The following ANO3 variants were observed in gnomAD, a reference collection of about 807,000 sequenced individuals.
ANO3 encodes anoctamin 3.
Under a neutral mutation model 144.8 loss-of-function variants are expected in ANO3, and 99 were observed. The ratio of observed to expected loss-of-function variants is 0.68; its 90% confidence interval spans 0.58 to 0.81. ANO3 has a LOEUF of 0.81. ANO3 is among the 30% of genes least tolerant of loss of function. The probability of loss-of-function intolerance (pLI) is 0.00; values close to 1 mark genes in which losing one functional copy is unlikely to be tolerated. For missense variants in ANO3, 905 were observed against 1,202.2 expected (o/e 0.75, Z 3.66); for synonymous variants, 414 against 392.6 (o/e 1.05, Z -0.64).
rs549879782 is a variant in ANO3 at position 26,372,549 on chromosome 11, C to T, written c.46+40228C>T. Among the ~76,000 whole-genome samples, 6 of 152,202 alleles carry T rather than the reference C, an allele frequency of 3.9e-5. No individual in the cohort carries two copies. In the East Asian group the frequency reaches 7.7e-4, roughly 20 times the overall value. ...GATAAATTTTCCTATTAATTCATGCCTGAATAATTAAGTAACAGTGCTTTT... is the reference window on the plus strand; with the variant it reads ...GATAAATTTTCCTATTAATTCATGCTTGAATAATTAAGTAACAGTGCTTTT... On this transcript the variant is annotated intron_variant, in intron 1 of 26. Transcript: ENST00000256737.
At chr11:26,625,056 T>C (rs1018878742) in intron 18 of ANO3, among the ~76,000 whole-genome samples, 17 of 151,882 alleles carry the variant, frequency 1.1e-4, no homozygotes, top group African/African-American at 3.9e-4. Context: ...TCCCGAGTAG[T>C]TGGGGACTAC....
intron 4 of ANO3, among the ~76,000 whole-genome samples, chr11:26,482,012 C>A (rs1372517412): frequency 1.3e-5 from 2 of 152,006 alleles, no homozygotes; most frequent in African/African-American, 4.8e-5. Flanking sequence ...CTCACCTCAG[C>A]TTCCCAAGTA....
At chr11:26,551,909 A>G (rs1849943188) in intron 12 of ANO3, among the ~76,000 whole-genome samples, 1 of 152,048 alleles carries the variant, frequency 6.6e-6, no homozygotes, top group Non-Finnish European at 1.5e-5. Flanking sequence ...GCTATAGTAT[A>G]TGTAAGACCC....
chr11:26,361,525 C>T (rs1469548288), intron 1 of ANO3, among the ~76,000 whole-genome samples: 1 of 152,072 alleles, frequency 6.6e-6, no homozygotes, highest in African/African-American at 2.4e-5. Context: ...TTATGAGTCT[C>T]AGGCAAAAAG....
intron 1 of ANO3, among the ~76,000 whole-genome samples, chr11:26,402,282 C>T (rs1182241927): frequency 1.3e-5 from 2 of 151,976 alleles, no homozygotes; most frequent in African/African-American, 4.8e-5. Flanking sequence ...CCTTTTTCTC[C>T]ACAACTTCGC....
At chr11:26,500,778 G>T (rs900384579) in intron 4 of ANO3, among the ~76,000 whole-genome samples, 2 of 150,452 alleles carry the variant, frequency 1.3e-5, no homozygotes, top group Non-Finnish European at 3.0e-5. Context: ...GGTATATTTT[G>T]CAGAAAAAAA....
chr11:26,234,970 T>A (rs926013802), intron 1 of ANO3, among the ~76,000 whole-genome samples: 2 of 116,340 alleles, frequency 1.7e-5, no homozygotes, highest in African/African-American at 5.6e-5. Context: ...ATGTCTCAGC[T>A]CAAGCAGTTA....
At chr11:26,608,268 A>G (rs10835013) in intron 17 of ANO3, among the ~76,000 whole-genome samples, 1 of 151,824 alleles carries the variant, frequency 6.6e-6, no homozygotes, top group African/African-American at 2.4e-5. Context: ...ATGCCTGTAG[A>G]TGTCACACAA....
chr11:26,435,451 A>C (rs1023178697), intron 1 of ANO3, among the ~76,000 whole-genome samples: 4 of 152,112 alleles, frequency 2.6e-5, no homozygotes, highest in South Asian at 4.1e-4. Context: ...GCATTTGACT[A>C]TTGGTCTCTC....
chr11:26,474,257 C>T, intron 4 of ANO3: 1 of 215,182 alleles, frequency 4.6e-6, no homozygotes, highest in Non-Finnish European at 7.9e-6. Flanking sequence ...TCTGTTATTT[C>T]AAAATACTAG....
At chr11:26,371,018 A>G (rs1856238270) in intron 1 of ANO3, among the ~76,000 whole-genome samples, 1 of 152,202 alleles carries the variant, frequency 6.6e-6, no homozygotes, top group African/African-American at 2.4e-5. Flanking sequence ...AATGTGAATC[A>G]CCAAGACAAT....
rs1307214112 is a variant in ANO3 at position 26,641,933 on chromosome 11, C to T, written c.2179C>T (p.Arg727Trp). ...CTGGTGGTCACGACATAAAATCAAG[C>T]GGGGAATACATGATGCTTCCATACC... is the stretch of plus-strand genomic sequence containing the variant. ...QNWWSRHKIK[R>W]GIHDASIPQW... is the part of the protein sequence containing the mutation. The change falls in exon 22 of 27, where the codon CGG becomes TGG. Residue 727 changes from arginine (R) to tryptophan (W), a missense_variant. By Grantham distance (101) the Arg-to-Trp change is moderately radical. Around this residue, in one of 4 missense-constraint regions of ANO3, gnomAD observed 597 missense variants for 865.1 expected, o/e 0.69. Coordinates refer to ENST00000256737, the MANE Select transcript of ANO3 (RefSeq NM_031418.4). 7.4e-6 allele frequency: 12 copies of T among 1,613,678 alleles called. No individual in the cohort carries two copies. The highest frequency in any genetic ancestry group is 3.3e-5 in the Admixed American group (2 of 59,950).
At chr11:26,366,288 T>A (rs901571739) in intron 1 of ANO3, among the ~76,000 whole-genome samples, 2 of 152,188 alleles carry the variant, frequency 1.3e-5, no homozygotes, top group African/African-American at 4.8e-5. Context: ...AATGATGGTT[T>A]CTGGCTTCAT....
intron 1 of ANO3, among the ~76,000 whole-genome samples, chr11:26,384,726 A>G (rs997945004): frequency 6.6e-6 from 1 of 152,226 alleles, no homozygotes; most frequent in African/African-American, 2.4e-5. Context: ...AGACTAATGC[A>G]GTAGCCTTCT....
chr11:26,372,270 G>T (rs558661634), intron 1 of ANO3, among the ~76,000 whole-genome samples: 1 of 152,104 alleles, frequency 6.6e-6, no homozygotes, highest in African/African-American at 2.4e-5. Flanking sequence ...AGAAGGACAG[G>T]TTTGCTTCCC....
rs1408058875 is a variant in ANO3, at chr11:26,476,899, GTGTA to G, written c.432+13755_432+13758del. ...AAAGCTGTTATAATTTTGTGTGTGT[GTGTA>G]TGTGTGTGTGTGTGTGTGTGTGTGT... On this transcript the variant is annotated intron_variant, in intron 4 of 26. Transcript: ENST00000256737. Among the ~76,000 whole-genome samples, 964 of 123,442 alleles carry G rather than the reference GTGTA, an allele frequency of 7.8e-3. 8 individuals are homozygous for G. The highest frequency in any genetic ancestry group is 0.026 in the African/African-American group (898 of 34,440). The allele number at this position is 123,442 out of a possible 152,430, so 81.0% of individuals were successfully genotyped here.
rs142383618 is a variant in ANO3 at position 26,540,175 on chromosome 11, C to T, written c.1033-1772C>T. 3.7e-3 allele frequency among the ~76,000 whole-genome samples: 560 copies of T among 152,116 alleles called. 1 individual carries two copies. The highest frequency in any genetic ancestry group is 6.9e-3 in the South Asian group (33 of 4,816). ...GATATACAGAATTGAAAAAAAAATCCTTCAATTTTTTGAATATCTTATCTG... is the reference window on the plus strand; with the variant it reads ...GATATACAGAATTGAAAAAAAAATCTTTCAATTTTTTGAATATCTTATCTG... On this transcript the variant is annotated intron_variant, in intron 10 of 26. Coordinates refer to ENST00000256737, the MANE Select transcript of ANO3 (RefSeq NM_031418.4).
intron 8 of ANO3, among the ~76,000 whole-genome samples, chr11:26,533,760 C>T (rs1849432765): frequency 6.6e-6 from 1 of 152,146 alleles, no homozygotes; most frequent in African/African-American, 2.4e-5. Context: ...TGAATATGAG[C>T]AGTGTAGATG....
chr11:26,506,180 A>T (rs1861429360), intron 4 of ANO3, among the ~76,000 whole-genome samples: 1 of 152,060 alleles, frequency 6.6e-6, no homozygotes, highest in Admixed American at 6.6e-5. Flanking sequence ...TCTCACGTAA[A>T]AGCTGGAAAT....
Sources: allele counts gnomAD v4.1 joint callset (sites outside exome capture counted in the v4.1 genomes callset), GRCh38; gene constraint gnomAD v4.1.1; regional missense constraint gnomAD v4.1.1; transcripts MANE v1.5; gene names NCBI Gene and HGNC (gene_info 2026-07-23, HGNC 2026-07-21).